Variants in RYR2 observed in about 807,000 individuals in gnomAD.
RYR2 encodes the protein ryanodine receptor 2, also known as cardiac muscle ryanodine receptor-calcium release channel.
RYR2 carries 227 observed loss-of-function variants against 601.1 expected under a neutral mutation model. That is an observed-to-expected ratio of 0.38 (90% confidence interval 0.34 to 0.42). The LOEUF (loss-of-function observed/expected upper bound fraction) is 0.42. Among genes scored for constraint, RYR2 ranks in the 10% least tolerant of loss-of-function variants. The probability of loss-of-function intolerance (pLI) is 1.00; values close to 1 mark genes in which losing one functional copy is unlikely to be tolerated. For missense variants in RYR2, 4,646 were observed against 6,156.5 expected, an observed-to-expected ratio of 0.75 and a Z score of 8.21; for synonymous variants, 2,223 against 2,175.1, an observed-to-expected ratio of 1.02 and a Z score of -0.61.
chr1:237,445,060 T>C (rs992361265), intron 13 of RYR2, among the ~76,000 whole-genome samples: 7 of 152,098 alleles, frequency 4.6e-5, no homozygotes, highest in Admixed American at 3.3e-4. Context: ...TTTAAAATGA[T>C]AACTGAGATG....
chr1:237,262,724 C>G (rs1688662109), intron 1 of RYR2, among the ~76,000 whole-genome samples: 1 of 152,082 alleles, frequency 6.6e-6, no homozygotes, highest in South Asian at 2.1e-4. Flanking sequence ...AGCTGATGTG[C>G]TGGAGAGATA....
At chr1:237,690,170 A>G (rs1686813907) in intron 63 of RYR2, among the ~76,000 whole-genome samples, 1 of 152,182 alleles carries the variant, frequency 6.6e-6, no homozygotes, top group African/African-American at 2.4e-5. Context: ...TAAGCTTCAC[A>G]TATTATGGGT....
rs941617429 is a variant in RYR2, at chr1:237,180,860, A to G, written c.49-89637A>G. Among the ~76,000 whole-genome samples, 1 of 148,282 alleles carries G rather than the reference A, an allele frequency of 6.7e-6. No individual in the cohort carries two copies. Among genetic ancestry groups the G allele is most frequent in the East Asian group, 1.9e-4 (1 of 5,154 alleles). ...CAATATTAATAAAGTATATATTTAT[A>G]CTAATTAAATATATTTGATTATATA... On this transcript the variant is annotated intron_variant, in intron 1 of 104. Coordinates refer to ENST00000366574, the MANE Select transcript of RYR2 (RefSeq NM_001035.3). The surrounding 1 kb of genome is among the most constrained non-coding windows in gnomAD (Gnocchi z 5.3).
At chr1:237,548,756 C>T (rs1202675366) in intron 26 of RYR2, among the ~76,000 whole-genome samples, 166 bp downstream of exon 26, 1 of 152,180 alleles carries the variant, frequency 6.6e-6, no homozygotes, top group Non-Finnish European at 1.5e-5. Flanking sequence ...CAAGAATTTA[C>T]ATGACCTTAG....
At position 237,536,449 on chromosome 1, in the gene RYR2, T is replaced by G. The variant is rs541530787; in HGVS notation, c.2906+5939T>G. Among the ~76,000 whole-genome samples, 1,422 of 143,210 alleles carry G rather than the reference T, an allele frequency of 9.9e-3. 9 individuals are homozygous for G. The highest frequency in any genetic ancestry group is 0.013 in the Non-Finnish European group (834 of 66,542). 94.0% of individuals were successfully genotyped at this position (143,210 alleles called of 152,430 possible). ...TAGCCGGGTGGCCGGGCGTGGTGGC[T>G]CACGCCTGTAACCCCAGCACTTTGG... On this transcript the variant is annotated intron_variant, in intron 25 of 104. Coordinates refer to ENST00000366574, the MANE Select transcript of RYR2 (RefSeq NM_001035.3).
intron 98 of RYR2, among the ~76,000 whole-genome samples, chr1:237,803,997 T>A (rs2794825): frequency 0.25 from 38,090 of 152,056 alleles, 5,104 homozygotes; most frequent in East Asian, 0.5. Context: ...TCCTCATATA[T>A]AAATTGGGGC....
At chr1:237,577,538 G>A (rs757721757) in intron 29 of RYR2, among the ~76,000 whole-genome samples, 406 of 37,096 alleles carry the variant, frequency 0.011, 2 homozygotes, top group South Asian at 0.038. Flanking sequence ...GTGTGTGTGC[G>A]TGTGTGTGTG....
intron 1 of RYR2, among the ~76,000 whole-genome samples, chr1:237,074,045 G>C (rs1395797939): frequency 6.6e-6 from 1 of 151,982 alleles, no homozygotes; most frequent in Non-Finnish European, 1.5e-5. Context: ...AGCCCTAAAT[G>C]ATGGCTCATG....
At chr1:237,747,872 A>G (rs1363709396) in intron 80 of RYR2, among the ~76,000 whole-genome samples, 1 of 152,182 alleles carries the variant, frequency 6.6e-6, no homozygotes, top group Admixed American at 6.5e-5. Context: ...CAGGAGGTAT[A>G]TGGTATCCAA....
chr1:237,594,303 A>G (rs546461921), intron 33 of RYR2, among the ~76,000 whole-genome samples: 6 of 152,326 alleles, frequency 3.9e-5, no homozygotes, highest in Non-Finnish European at 7.3e-5. Context: ...ATCTGCTGTG[A>G]CAGGTCTCCG....
intron 10 of RYR2, among the ~76,000 whole-genome samples, chr1:237,412,223 T>C (rs570645454): frequency 1.4e-4 from 21 of 152,180 alleles, no homozygotes; most frequent in African/African-American, 5.1e-4. Context: ...TTTATATCAG[T>C]GGACAATATT....
intron 1 of RYR2, among the ~76,000 whole-genome samples, chr1:237,223,914 A>G (rs1420371838): frequency 1.3e-5 from 2 of 152,246 alleles, no homozygotes; most frequent in Non-Finnish European, 2.9e-5. Flanking sequence ...GACAGTGCCC[A>G]CAATAGACAA....
chr1:237,194,489 C>G (rs1680339053), intron 1 of RYR2, among the ~76,000 whole-genome samples: 1 of 152,136 alleles, frequency 6.6e-6, no homozygotes, highest in African/African-American at 2.4e-5. Flanking sequence ...GAACAAGGGG[C>G]AGAATCCAGG....
At chr1:237,061,275 T>TC (rs58939432) in intron 1 of RYR2, among the ~76,000 whole-genome samples, 7,223 of 111,788 alleles carry the variant, frequency 0.065, 195 homozygotes, top group Admixed American at 0.085. Context: ...TATCCATCTA[T>TC]CATCTATCTA....
intron 1 of RYR2, among the ~76,000 whole-genome samples, chr1:237,059,975 C>T (rs1328578597): frequency 6.6e-6 from 1 of 152,098 alleles, no homozygotes; most frequent in East Asian, 1.9e-4. Flanking sequence ...AAATGGTTTC[C>T]ACATAGTTAT....
chr1:237,270,719 T>A, intron 2 of RYR2, 103 bp downstream of exon 2: 1 of 1,246,124 alleles, frequency 8.0e-7, no homozygotes, highest in Non-Finnish European at 1.1e-6. Context: ...ACATACTATA[T>A]AAATGAAAGG....
chr1:237,390,925 T>C (rs1206693676), intron 10 of RYR2, among the ~76,000 whole-genome samples: 1 of 152,136 alleles, frequency 6.6e-6, no homozygotes, highest in Non-Finnish European at 1.5e-5. Flanking sequence ...CATATTTACA[T>C]GGGTGAAATT....
At chr1:237,103,428 C>G (rs188633819) in intron 1 of RYR2, among the ~76,000 whole-genome samples, 1 of 152,154 alleles carries the variant, frequency 6.6e-6, no homozygotes, top group Non-Finnish European at 1.5e-5. Flanking sequence ...AAGTAAGCAA[C>G]GTGAAGAACA....
chr1:237,363,417 A>G (rs1363153813), intron 4 of RYR2, among the ~76,000 whole-genome samples: 2 of 152,094 alleles, frequency 1.3e-5, no homozygotes, highest in African/African-American at 4.8e-5. Context: ...CCCTTTAATA[A>G]TATACATATT....
Sources: allele counts gnomAD v4.1 joint callset (sites outside exome capture counted in the v4.1 genomes callset), GRCh38; gene constraint gnomAD v4.1.1; non-coding constraint Gnocchi (gnomAD v3.1); transcripts MANE v1.5; gene names NCBI Gene and HGNC (gene_info 2026-07-23, HGNC 2026-07-21).